The following RP1 variants were observed in gnomAD, a reference collection of about 807,000 sequenced individuals.
RP1 encodes RP1 axonemal microtubule associated, also known as oxygen-regulated protein 1.
In RP1, 16 loss-of-function variants were observed where a neutral mutation model predicts 14.8. The ratio of observed to expected loss-of-function variants is 1.08; its 90% CI spans 0.73 to 1.65. The LOEUF is 1.65. RP1 is among the 40% of genes most tolerant of loss of function. RP1 has a pLI of 0.00. For missense variants in RP1, 2,631 were observed against 2,535.0 expected, an observed-to-expected ratio of 1.04 and a Z score of -0.81; for synonymous variants, 876 against 883.6, an observed-to-expected ratio of 0.99 and a Z score of 0.15.
chr8:54,857,527 T>A (rs544588541), intron 27 of RP1, among the ~76,000 whole-genome samples: 1 of 151,794 alleles, frequency 6.6e-6, no homozygotes, highest in Non-Finnish European at 1.5e-5. Flanking sequence ...ACATTAAATA[T>A]ATTTAATGTA....
intron 24 of RP1, among the ~76,000 whole-genome samples, chr8:54,800,998 AC>A: frequency 6.6e-6 from 1 of 152,212 alleles, no homozygotes. Context: ...GGAGATAAGC[AC>A]ACTTTCCTTC....
chr8:54,790,774 G>A (rs1018495069), intron 24 of RP1, among the ~76,000 whole-genome samples: 1 of 152,226 alleles, frequency 6.6e-6, no homozygotes, highest in East Asian at 1.9e-4. Context: ...TTTGAAGACA[G>A]GTCATTTGAA....
chr8:54,562,127 C>A (rs1020276423), intron 1 of RP1, among the ~76,000 whole-genome samples: 4 of 152,100 alleles, frequency 2.6e-5, no homozygotes, highest in African/African-American at 9.7e-5. Context: ...AGTGAATCAA[C>A]CTTTAAAAAC....
intron 5 of RP1, chr8:54,656,059 A>G (rs973461468): frequency 1.4e-6 from 2 of 1,468,442 alleles, no homozygotes. Flanking sequence ...TACATTTTTA[A>G]AAGTAATATT....
intron 1 of RP1, among the ~76,000 whole-genome samples, chr8:54,596,996 A>G (rs895051057): frequency 6.6e-6 from 1 of 152,156 alleles, no homozygotes; most frequent in East Asian, 1.9e-4. Flanking sequence ...CCTCCAAATC[A>G]TTTGACATAG....
At chr8:54,798,863 C>T (rs1810635237) in intron 24 of RP1, among the ~76,000 whole-genome samples, 1 of 152,018 alleles carries the variant, frequency 6.6e-6, no homozygotes, top group South Asian at 2.1e-4. Flanking sequence ...TTTTCATCTT[C>T]ATACATACAC....
intron 24 of RP1, among the ~76,000 whole-genome samples, chr8:54,797,301 G>T (rs899832709): frequency 1.3e-5 from 2 of 152,068 alleles, no homozygotes; most frequent in Non-Finnish European, 2.9e-5. Flanking sequence ...TTTGAGACTA[G>T]AAATTAGGCT....
intron 12 of RP1, among the ~76,000 whole-genome samples, chr8:54,688,562 A>G (rs1807624779): frequency 6.6e-6 from 1 of 152,166 alleles, no homozygotes; most frequent in South Asian, 2.1e-4. Context: ...CCATTTATTA[A>G]ATAGGGAATC....
At chr8:54,825,006 C>G (rs1811353196) in intron 24 of RP1, among the ~76,000 whole-genome samples, 1 of 150,248 alleles carries the variant, frequency 6.7e-6, no homozygotes, top group Admixed American at 6.6e-5. Flanking sequence ...CGCTCTGTCG[C>G]CCAGGCTAGA....
intron 12 of RP1, chr8:54,696,617 G>A: frequency 2.5e-6 from 2 of 811,516 alleles, no homozygotes; most frequent in Non-Finnish European, 4.0e-6. Flanking sequence ...ATGACCAGAA[G>A]TGAAACCTCA....
At chr8:54,739,046 T>C (rs1262109356) in intron 19 of RP1, 2 of 1,504,432 alleles carry the variant, frequency 1.3e-6, no homozygotes, top group South Asian at 1.2e-5. Flanking sequence ...ATGTCACTTA[T>C]TTTTTTCTTC....
downstream of RP1, among the ~76,000 whole-genome samples, chr8:54,633,119 C>CT (rs1806279981): frequency 6.6e-6 from 1 of 152,152 alleles, no homozygotes; most frequent in African/African-American, 2.4e-5. Flanking sequence ...TCAAAGAAAG[C>CT]TGAATGCCCA....
intron 19 of RP1, among the ~76,000 whole-genome samples, chr8:54,745,323 C>A (rs1394442205): frequency 6.6e-6 from 1 of 152,114 alleles, no homozygotes; most frequent in Admixed American, 6.5e-5. Flanking sequence ...GGTTGGGTAA[C>A]CTGACCTAGA....
At chr8:54,656,169 C>G in exon 6 of RP1, 1 of 1,535,602 alleles carries the variant, frequency 6.5e-7, no homozygotes. Context: ...ATGGGGAAAT[C>G]TGTCGAGAAT....
intron 15 of RP1, among the ~76,000 whole-genome samples, chr8:54,715,121 G>T (rs893901742): frequency 2.0e-5 from 3 of 152,240 alleles, no homozygotes; most frequent in African/African-American, 7.2e-5. Flanking sequence ...AGTATGAAAA[G>T]TTAAAATATC....
At chr8:54,769,295 T>C (rs1478686638) in intron 22 of RP1, among the ~76,000 whole-genome samples, 1 of 152,136 alleles carries the variant, frequency 6.6e-6, no homozygotes, top group Non-Finnish European at 1.5e-5. Context: ...AAATAGGAAG[T>C]CTATTTTTCT....
chr8:54,787,893 G>A (rs1398154746), intron 24 of RP1, among the ~76,000 whole-genome samples: 1 of 152,144 alleles, frequency 6.6e-6, no homozygotes, highest in Non-Finnish European at 1.5e-5. Context: ...ACTATATAAG[G>A]AAATATGGAT....
chr8:54,638,928 T>A (rs1219267635), intron 3 of RP1, among the ~76,000 whole-genome samples: 1 of 151,694 alleles, frequency 6.6e-6, no homozygotes, highest in Non-Finnish European at 1.5e-5. Context: ...CACCCTTTAT[T>A]TGGGTATAAT....
At chr8:54,831,021 G>A (rs1008696339) in intron 24 of RP1, among the ~76,000 whole-genome samples, 1 of 152,026 alleles carries the variant, frequency 6.6e-6, no homozygotes, top group African/African-American at 2.4e-5. Context: ...CCATGTTGAA[G>A]CATACATCCG....
Sources: gnomAD v4.1 joint callset for allele counts (sites outside exome capture counted in the v4.1 genomes callset) on GRCh38, gnomAD v4.1.1 for gene constraint, MANE v1.5 for transcripts, NCBI Gene and HGNC (gene_info 2026-07-23, HGNC 2026-07-21) for gene names.